Variants in ARHGAP28 observed in about 807,000 individuals in gnomAD.
The protein encoded by ARHGAP28 is Rho GTPase activating protein 28, also known as rho GTPase-activating protein 28.
A neutral mutation model predicts 90.7 loss-of-function variants in ARHGAP28; 56 were observed. The observed-to-expected ratio is 0.62, with a 90% confidence interval of 0.50 to 0.77. The LOEUF (loss-of-function observed/expected upper bound fraction) is 0.77, where lower values mean the gene tolerates loss of function less well. Among genes scored for constraint, ARHGAP28 ranks in the 30% least tolerant of loss-of-function variants. ARHGAP28 has a pLI of 0.00. For synonymous variants in ARHGAP28, 308 were observed against 323.3 expected (o/e 0.95, Z 0.51); for missense variants, 869 against 900.9 (o/e 0.96, Z 0.45).
At chr18:6,769,548 A>G in intron 1 of ARHGAP28, among the ~76,000 whole-genome samples, 1 of 152,210 alleles carries the variant, frequency 6.6e-6, no homozygotes, top group Admixed American at 6.5e-5. Context: ...ACTATGACCC[A>G]ATGAGGTAGG....
chr18:6,744,296 G>A (rs932388769), intron 1 of ARHGAP28, among the ~76,000 whole-genome samples: 27 of 152,050 alleles, frequency 1.8e-4, no homozygotes, highest in Admixed American at 1.6e-3. Context: ...AATATGAGAT[G>A]AGGGTGGGAG....
intron 1 of ARHGAP28, among the ~76,000 whole-genome samples, chr18:6,740,030 C>A (rs2055962734): frequency 6.6e-6 from 1 of 151,846 alleles, no homozygotes; most frequent in Non-Finnish European, 1.5e-5. Flanking sequence ...AATTTTGTAT[C>A]TTTAGTGGAG....
intron 3 of ARHGAP28, among the ~76,000 whole-genome samples, chr18:6,839,407 C>A (rs554228454): frequency 5.4e-4 from 82 of 152,126 alleles, no homozygotes; most frequent in African/African-American, 1.9e-3. Context: ...CATTCTCCCC[C>A]CTCAGCCTCC....
At chr18:6,750,366 C>T (rs909084687) in intron 1 of ARHGAP28, among the ~76,000 whole-genome samples, 1 of 152,168 alleles carries the variant, frequency 6.6e-6, no homozygotes, top group African/African-American at 2.4e-5. Context: ...CAATACAGCT[C>T]ATGCCTCTTA....
Position 6,873,390 on chromosome 18 carries a change from C to A in ARHGAP28, c.955-19C>A. 6 of 1,595,252 alleles carry A rather than the reference C, an allele frequency of 3.8e-6. No individual in the cohort carries two copies. The highest frequency in any genetic ancestry group is 2.2e-5 in the East Asian group (1 of 44,774). ...TTTCCTTTGCCATAAAAAATAAATA[C>A]CTTCACTGTGTGTTTTAGAAATTTA... On this transcript the variant is annotated intron_variant, in intron 7 of 17. Transcript: ENST00000383472.
chr18:6,809,268 C>T (rs2056539739), intron 1 of ARHGAP28, among the ~76,000 whole-genome samples: 1 of 152,132 alleles, frequency 6.6e-6, no homozygotes, highest in South Asian at 2.1e-4. Context: ...TTTTTATCCC[C>T]ATTGCTGTCA....
chr18:6,781,062 T>G (rs2143479615), intron 1 of ARHGAP28, among the ~76,000 whole-genome samples: 1 of 152,340 alleles, frequency 6.6e-6, no homozygotes, highest in South Asian at 2.1e-4. Flanking sequence ...GCCAGTCGAC[T>G]TGATCCAATT....
At chr18:6,888,514 A>C (rs4798509) in intron 12 of ARHGAP28, among the ~76,000 whole-genome samples, 85,992 of 151,992 alleles carry the variant, frequency 0.57, 24,396 homozygotes, top group Middle Eastern at 0.63. Flanking sequence ...TATTAGATGT[A>C]TCCTTGAGGC....
At chr18:6,846,352 A>C (rs1394069097) in intron 3 of ARHGAP28, among the ~76,000 whole-genome samples, 1 of 151,966 alleles carries the variant, frequency 6.6e-6, no homozygotes, top group African/African-American at 2.4e-5. Context: ...CATAGATTTC[A>C]TGTGGGGCAC....
chr18:6,756,600 A>T (rs1397519204), intron 1 of ARHGAP28, among the ~76,000 whole-genome samples: 1 of 152,220 alleles, frequency 6.6e-6, no homozygotes, highest in Non-Finnish European at 1.5e-5. Flanking sequence ...AACGAATAGG[A>T]TATATGTATA....
At chr18:6,739,669 C>T (rs920283771) in intron 1 of ARHGAP28, among the ~76,000 whole-genome samples, 1 of 150,564 alleles carries the variant, frequency 6.6e-6, no homozygotes, top group Non-Finnish European at 1.5e-5. Flanking sequence ...CTCTCTCTCT[C>T]TCTTTCTTTC....
intron 1 of ARHGAP28, among the ~76,000 whole-genome samples, chr18:6,823,788 C>T (rs2056642138): frequency 6.6e-6 from 1 of 151,802 alleles, no homozygotes; most frequent in Non-Finnish European, 1.5e-5. Flanking sequence ...GCTCTGTTGC[C>T]CAGGCTGGAG....
intron 1 of ARHGAP28, among the ~76,000 whole-genome samples, chr18:6,741,037 C>T (rs1289696071): frequency 1.3e-5 from 2 of 152,082 alleles, no homozygotes; most frequent in East Asian, 1.9e-4. Context: ...AAGGTGGTGT[C>T]GATTATGAGA....
chr18:6,731,124 T>C (rs1413508269), intron 1 of ARHGAP28, among the ~76,000 whole-genome samples: 1 of 142,246 alleles, frequency 7.0e-6, no homozygotes, highest in Admixed American at 7.2e-5. Flanking sequence ...ATAAAGACAG[T>C]GGGAAAATCA....
At chr18:6,885,522 A>C (rs1354128624) in intron 11 of ARHGAP28, among the ~76,000 whole-genome samples, 1 of 152,182 alleles carries the variant, frequency 6.6e-6, no homozygotes, top group East Asian at 1.9e-4. Flanking sequence ...TATCATCATC[A>C]ATCAAGCCTC....
Position 6,909,513 on chromosome 18 carries a change from G to A in ARHGAP28, c.2095+489G>A, listed in dbSNP as rs775416566. Reference sequence around the variant, plus strand: ...TCACCATGTTGGCCAGGCTGGTCTCGAACTCCTGACCTCAAGTGATCCACC... The same window carrying A: ...TCACCATGTTGGCCAGGCTGGTCTCAAACTCCTGACCTCAAGTGATCCACC... On this transcript the variant is annotated intron_variant, in intron 17 of 17. Coordinates refer to ENST00000383472, the MANE Select transcript of ARHGAP28 (RefSeq NM_001366230.1). Among the ~76,000 whole-genome samples, 3 of 151,576 alleles carry A rather than the reference G, an allele frequency of 2.0e-5. No homozygotes were observed. The East Asian group carries it at 5.8e-4, about 30-fold the overall frequency.
chr18:6,830,194 TC>T (rs1359056873), intron 2 of ARHGAP28, among the ~76,000 whole-genome samples: 1 of 152,170 alleles, frequency 6.6e-6, no homozygotes, highest in Non-Finnish European at 1.5e-5. Context: ...ACATTCCAAT[TC>T]CACTCTATTA....
intron 1 of ARHGAP28, among the ~76,000 whole-genome samples, chr18:6,765,301 T>C (rs1200991682): frequency 6.6e-6 from 1 of 152,220 alleles, no homozygotes; most frequent in Non-Finnish European, 1.5e-5. Context: ...TTTTAAATTA[T>C]GAATTCAATT....
chr18:6,857,442 C>T (rs2056962446), intron 4 of ARHGAP28, among the ~76,000 whole-genome samples: 1 of 152,142 alleles, frequency 6.6e-6, no homozygotes, highest in Non-Finnish European at 1.5e-5. Context: ...GTGGAGAACG[C>T]GTTAGCTTTT....
Sources: gnomAD v4.1 joint callset for allele counts (sites outside exome capture counted in the v4.1 genomes callset) on GRCh38, gnomAD v4.1.1 for gene constraint, MANE v1.5 for transcripts, NCBI Gene and HGNC (gene_info 2026-07-23, HGNC 2026-07-21) for gene names.